The following VPS13A variants were observed in gnomAD, a reference collection of about 807,000 sequenced individuals.
VPS13A encodes intermembrane lipid transfer protein VPS13A.
In VPS13A, 264 loss-of-function variants were observed where a neutral mutation model predicts 390.9. The observed-to-expected ratio is 0.68, with a 90% confidence interval of 0.61 to 0.75. The LOEUF is 0.75. Among genes scored for constraint, VPS13A ranks in the 30% least tolerant of loss-of-function variants. The pLI, the probability that VPS13A is intolerant of heterozygous loss-of-function variation, is 0.00. For synonymous variants in VPS13A, 1,231 were observed against 1,227.1 expected, an observed-to-expected ratio of 1.00 and a Z score of -0.07; for missense variants, 3,409 against 3,733.9, an observed-to-expected ratio of 0.91 and a Z score of 2.27.
At position 77,199,972 on chromosome 9, in the gene VPS13A, T is replaced by G; in HGVS notation, c.128T>G (p.Ile43Ser). 1.2e-6 allele frequency: 2 copies of G among 1,609,024 alleles called. No individual in the cohort carries two copies. The highest frequency in any genetic ancestry group is 1.7e-6 in the Non-Finnish European group (2 of 1,177,618). Residue 43 changes from isoleucine to serine, a missense_variant, in exon 2 of 72, where the codon ATT becomes AGT. Around this residue, in one of 5 missense-constraint regions of VPS13A, gnomAD observed 2,717 missense variants for 2,917.4 expected, o/e 0.93. Coordinates refer to ENST00000360280, the MANE Select transcript of VPS13A (RefSeq NM_033305.3). Reference protein sequence around the residue: ...KGAVALKNLQIKENALSQLDV... With the variant: ...KGAVALKNLQSKENALSQLDV... ...GCTGTGGCCCTCAAGAATCTTCAAA[T>G]TAAAGAAAATGCCCTGGTAGGTTTT...
At chr9:77,241,637 T>C (rs1479499661) in intron 19 of VPS13A, among the ~76,000 whole-genome samples, 1 of 152,152 alleles carries the variant, frequency 6.6e-6, no homozygotes, top group Non-Finnish European at 1.5e-5. Flanking sequence ...AATCTGCTCA[T>C]TTTCCTTAGA....
At chr9:77,237,866 C>A in intron 17 of VPS13A, 136 bp from the exon 18 acceptor site, 1 of 650,762 alleles carries the variant, frequency 1.5e-6, no homozygotes, top group South Asian at 1.9e-5. Flanking sequence ...CATTGTATGT[C>A]TTCTTTGATG....
intron 67 of VPS13A, among the ~76,000 whole-genome samples, chr9:77,374,254 A>G (rs7048133): frequency 0.047 from 7,182 of 152,264 alleles, 481 homozygotes; most frequent in African/African-American, 0.15. Flanking sequence ...TCTCCTGTAC[A>G]TACATATCCG....
At chr9:77,338,895 C>G (rs566073260) in intron 47 of VPS13A, 25 of 152,540 alleles carry the variant, frequency 1.6e-4, no homozygotes, top group African/African-American at 5.8e-4. Flanking sequence ...TTTAGAAAGA[C>G]AATTGAGCCA....
At chr9:77,248,996 T>C (rs1364233575) in intron 20 of VPS13A, among the ~76,000 whole-genome samples, 1 of 152,198 alleles carries the variant, frequency 6.6e-6, no homozygotes, top group Non-Finnish European at 1.5e-5. Flanking sequence ...CCTCCCAAAG[T>C]GTTGGGATTA....
chr9:77,235,159 C>T (rs1223201123), intron 17 of VPS13A, among the ~76,000 whole-genome samples: 1 of 152,152 alleles, frequency 6.6e-6, no homozygotes, highest in Non-Finnish European at 1.5e-5. Flanking sequence ...ATTTGTATGG[C>T]TGCAAATTAC....
intron 44 of VPS13A, among the ~76,000 whole-genome samples, chr9:77,322,714 T>C (rs577759329): frequency 1.5e-4 from 23 of 152,200 alleles, no homozygotes; most frequent in African/African-American, 5.3e-4. Context: ...ACAAAAATTG[T>C]AGTCACCTTG....
chr9:77,314,995 A>C (rs1829304749), intron 37 of VPS13A, among the ~76,000 whole-genome samples: 1 of 152,182 alleles, frequency 6.6e-6, no homozygotes, highest in Non-Finnish European at 1.5e-5. Context: ...AGTACATAAA[A>C]AATTGAAAAG....
chr9:77,256,307 T>C (rs1482920861), intron 22 of VPS13A, among the ~76,000 whole-genome samples: 2 of 152,306 alleles, frequency 1.3e-5, no homozygotes, highest in Non-Finnish European at 2.9e-5. Context: ...CTACACTTTT[T>C]CCTTCTACTC....
chr9:77,405,505 C>T (rs930714870), intron 69 of VPS13A, among the ~76,000 whole-genome samples: 1 of 152,094 alleles, frequency 6.6e-6, no homozygotes, highest in Admixed American at 6.6e-5. Context: ...ATAAATTTCC[C>T]ATTGAGCATT....
chr9:77,202,864 C>T (rs961304104), intron 3 of VPS13A, among the ~76,000 whole-genome samples: 4 of 152,262 alleles, frequency 2.6e-5, no homozygotes, highest in South Asian at 2.1e-4. Context: ...GTACCTCTGT[C>T]GTAGCACCTG....
intron 5 of VPS13A, among the ~76,000 whole-genome samples, chr9:77,207,919 CAAG>C (rs1564631091): frequency 6.6e-6 from 1 of 152,028 alleles, no homozygotes; most frequent in East Asian, 1.9e-4. Context: ...CATTACCCTG[CAAG>C]ATATAGGCAT....
intron 17 of VPS13A, among the ~76,000 whole-genome samples, chr9:77,228,635 A>G (rs972167756): frequency 2.0e-5 from 3 of 152,148 alleles, no homozygotes; most frequent in African/African-American, 7.2e-5. Flanking sequence ...GATTTTTCAC[A>G]ACTATATTAT....
intron 34 of VPS13A, among the ~76,000 whole-genome samples, chr9:77,303,454 G>T (rs1828499897): frequency 1.3e-5 from 2 of 152,048 alleles, no homozygotes. Flanking sequence ...CACACCTGTG[G>T]GTATTTCTAG....
chr9:77,293,284 A>G, intron 31 of VPS13A, 57 bp from the exon 32 acceptor site: 1 of 1,452,974 alleles, frequency 6.9e-7, no homozygotes, highest in Non-Finnish European at 9.6e-7. Flanking sequence ...TTATTTTTGT[A>G]CTGAAAATAC....
chr9:77,368,126 A>T lies in VPS13A; in HGVS notation c.8543A>T (p.Tyr2848Phe). 1 of 1,611,596 alleles carries T rather than the reference A, an allele frequency of 6.2e-7. No homozygotes were observed. The highest frequency in any genetic ancestry group is 8.5e-7 in the Non-Finnish European group (1 of 1,179,008). The change falls in exon 62 of 72, where the codon TAT (tyrosine) becomes TTT (phenylalanine). Residue 2848 changes from tyrosine to phenylalanine, a missense_variant. This residue lies in a region of VPS13A where 123 missense variants were observed against 118.7 expected (regional missense o/e 1.04). Transcript: ENST00000360280. ...SDLQSEVIRH[Y>F]SKQAIKQMYV... ...CTACAGTCTGAAGTCATAAGACACT[A>T]TTCAAAACAGGTTTGTCTAAGATTA...
rs1335185136 is a variant in VPS13A, at chr9:77,353,447, A to G, written c.7458A>G (p.Ile2486Met). ...CTATAGATTTGGGGGAAAAGACAAT[A>G]TATTTAGTTTCATTCTTTGAAGGTT... is the stretch of plus-strand genomic sequence containing the variant. ...MMPIDLGEKT[I>M]YLVSFFEGLQ... Residue 2486 changes from isoleucine to methionine, a missense_variant, in exon 54 of 72, where the codon ATA (isoleucine) becomes ATG (methionine). Coordinates refer to ENST00000360280, the MANE Select transcript of VPS13A (RefSeq NM_033305.3). The G allele has an allele frequency of 1.9e-6, 3 of 1,611,318 alleles. No individual in the cohort carries two copies. Among genetic ancestry groups the G allele is most frequent in the East Asian group, 2.2e-5 (1 of 44,700 alleles).
chr9:77,293,938 C>T lies in VPS13A; in HGVS notation c.3507+430C>T, dbSNP rs929806460. ...AATTTTCTAGAGACAAGGTCTTGCTCTGTCACCCAGGCTGGAGTGTAGTGG... is the reference window on the plus strand; with the variant it reads ...AATTTTCTAGAGACAAGGTCTTGCTTTGTCACCCAGGCTGGAGTGTAGTGG... On this transcript the variant is annotated intron_variant, in intron 32 of 71. Transcript: ENST00000360280. Among the ~76,000 whole-genome samples, 3 of 152,270 alleles carry T rather than the reference C, an allele frequency of 2.0e-5. No individual in the cohort carries two copies. The East Asian group carries it at 5.8e-4, about 29-fold the overall frequency.
At chr9:77,237,814 A>G (rs568418270) in intron 17 of VPS13A, among the ~76,000 whole-genome samples, 188 bp from the exon 18 acceptor site, 56 of 152,314 alleles carry the variant, frequency 3.7e-4, no homozygotes, top group African/African-American at 1.3e-3. Context: ...GTCAACACAA[A>G]TAGGATTCTT....
Sources: allele counts gnomAD v4.1 joint callset (sites outside exome capture counted in the v4.1 genomes callset), GRCh38; gene constraint gnomAD v4.1.1; regional missense constraint gnomAD v4.1.1; transcripts MANE v1.5; gene names NCBI Gene and HGNC (gene_info 2026-07-23, HGNC 2026-07-21).